Variants in TIMP3 observed in about 807,000 individuals in gnomAD.
TIMP3 encodes metalloproteinase inhibitor 3.
In TIMP3, 11 loss-of-function variants were observed where a neutral mutation model predicts 30.0. The observed-to-expected ratio is 0.37, with a 90% CI of 0.23 to 0.61. The LOEUF is 0.61. TIMP3 is among the 20% of genes least tolerant of loss of function. The pLI is 0.70. For missense variants in TIMP3, 181 were observed against 276.8 expected, an observed-to-expected ratio of 0.65 and a Z score of 2.45; for synonymous variants, 112 against 111.3, an observed-to-expected ratio of 1.01 and a Z score of -0.04.
intron 1 of TIMP3, among the ~76,000 whole-genome samples, chr22:32,815,183 A>G (rs1320882372): frequency 6.6e-6 from 1 of 152,236 alleles, no homozygotes; most frequent in Non-Finnish European, 1.5e-5. Context: ...TGAACTGTGC[A>G]CAGGGATATG....
At chr22:32,809,807 T>C (rs1172331157) in intron 1 of TIMP3, among the ~76,000 whole-genome samples, 5 of 152,234 alleles carry the variant, frequency 3.3e-5, no homozygotes, top group Non-Finnish European at 4.4e-5. Flanking sequence ...GTTGGCTTAC[T>C]GATATGCCTA....
At chr22:32,824,246 C>A (rs1449933537) in intron 1 of TIMP3, among the ~76,000 whole-genome samples, 1 of 146,464 alleles carries the variant, frequency 6.8e-6, no homozygotes. Flanking sequence ...CCACTGCACT[C>A]CAGCCTGGGC....
intron 2 of TIMP3, among the ~76,000 whole-genome samples, chr22:32,856,106 T>A (rs1340116027): frequency 6.6e-6 from 1 of 152,242 alleles, no homozygotes; most frequent in Non-Finnish European, 1.5e-5. Flanking sequence ...CTTTTAAGGA[T>A]ACTGCAAGGA....
intron 1 of TIMP3, among the ~76,000 whole-genome samples, chr22:32,802,849 G>T (rs1015476209): frequency 5.3e-5 from 8 of 152,184 alleles, no homozygotes; most frequent in African/African-American, 1.9e-4. Context: ...CCTTGAATGT[G>T]TGTGGGGAGG....
chr22:32,852,427 T>C (rs1376999329), intron 2 of TIMP3, among the ~76,000 whole-genome samples: 1 of 152,156 alleles, frequency 6.6e-6, no homozygotes, highest in Non-Finnish European at 1.5e-5. Flanking sequence ...GCAAAGGGTG[T>C]ATCAGAAAAA....
In TIMP3 at chr22:32,862,536, G is replaced by A. The variant is rs1011772352; in HGVS notation, c.*3159G>A. On this transcript the variant is annotated 3_prime_UTR_variant, in exon 5 of 5. Coordinates refer to ENST00000266085, the MANE Select transcript of TIMP3 (RefSeq NM_000362.5). Reference sequence around the variant, plus strand: ...GACCTCTGTCTTGCATGTGACAATTGACAATCTGGACTACCCCAAGATGGC... The same window carrying A: ...GACCTCTGTCTTGCATGTGACAATTAACAATCTGGACTACCCCAAGATGGC... 1.4e-4 allele frequency: 22 copies of A among 152,180 alleles called. No homozygotes were observed. The highest frequency in any genetic ancestry group is 5.3e-4 in the African/African-American group (22 of 41,442). The allele number at this position is 152,180 out of a possible 1,614,324, so 9.4% of individuals were successfully genotyped here.
intron 1 of TIMP3, among the ~76,000 whole-genome samples, chr22:32,834,511 T>G (rs2047673981): frequency 6.6e-6 from 1 of 152,104 alleles, no homozygotes; most frequent in Admixed American, 6.5e-5. Flanking sequence ...GAGTAAGAAG[T>G]GTCACATGCA....
chr22:32,808,740 A>G (rs953884117), intron 1 of TIMP3, among the ~76,000 whole-genome samples: 1 of 152,130 alleles, frequency 6.6e-6, no homozygotes, highest in East Asian at 1.9e-4. Flanking sequence ...ACTCCTTGGC[A>G]TTGGTACAGA....
chr22:32,814,748 G>A lies in TIMP3; in HGVS notation c.121+12626G>A, dbSNP rs901740266. ...TTCGAATTCCTTCTGGTATCCCTCT[G>A]AGAAGAGTTTCTTACTGGGTGGCTC... On this transcript the variant is annotated intron_variant, in intron 1 of 4. Coordinates refer to ENST00000266085, the MANE Select transcript of TIMP3 (RefSeq NM_000362.5). Among the ~76,000 whole-genome samples the A allele has an allele frequency of 4.6e-5, 7 of 152,220 alleles. No individual in the cohort carries two copies. The East Asian group carries it at 5.8e-4, about 13-fold the overall frequency.
intron 1 of TIMP3, among the ~76,000 whole-genome samples, chr22:32,818,311 C>A (rs550049954): frequency 3.9e-5 from 6 of 152,108 alleles, no homozygotes; most frequent in Admixed American, 6.5e-5. Context: ...CCAGCCTATG[C>A]GGTCCATCAG....
chr22:32,823,127 G>C (rs955227951), intron 1 of TIMP3, among the ~76,000 whole-genome samples: 1 of 152,178 alleles, frequency 6.6e-6, no homozygotes, highest in African/African-American at 2.4e-5. Flanking sequence ...AAGAACAATG[G>C]TGGGAAAGCA....
At chr22:32,821,137 T>C (rs573122007) in intron 1 of TIMP3, among the ~76,000 whole-genome samples, 1 of 152,076 alleles carries the variant, frequency 6.6e-6, no homozygotes, top group Non-Finnish European at 1.5e-5. Context: ...TCAAAAGAGA[T>C]GAACTTAGAG....
intron 1 of TIMP3, among the ~76,000 whole-genome samples, chr22:32,836,763 A>G (rs925309494): frequency 3.9e-5 from 6 of 152,314 alleles, no homozygotes; most frequent in African/African-American, 1.4e-4. Flanking sequence ...ACAACCTTAC[A>G]GAATGAAGCT....
chr22:32,838,718 C>T (rs1185589306), intron 1 of TIMP3, among the ~76,000 whole-genome samples: 3 of 152,016 alleles, frequency 2.0e-5, no homozygotes, highest in Admixed American at 6.5e-5. Flanking sequence ...ACAAGGACTC[C>T]TGACCCAGCA....
At chr22:32,813,536 CGT>C (rs1231172505) in intron 1 of TIMP3, among the ~76,000 whole-genome samples, 13 of 143,370 alleles carry the variant, frequency 9.1e-5, no homozygotes, top group African/African-American at 2.8e-4. Flanking sequence ...CACACACACA[CGT>C]GGACCAAACA....
intron 1 of TIMP3, among the ~76,000 whole-genome samples, chr22:32,836,991 G>A (rs900950371): frequency 1.3e-5 from 2 of 152,182 alleles, no homozygotes; most frequent in Non-Finnish European, 2.9e-5. Context: ...TGCGGGTCTG[G>A]CGTGCAAAGG....
chr22:32,846,774 GCCAGAGAGATTCAGGAGGAAAGAGCC>G (rs922828444), intron 1 of TIMP3, among the ~76,000 whole-genome samples: 3 of 152,348 alleles, frequency 2.0e-5, no homozygotes, highest in African/African-American at 7.2e-5. Flanking sequence ...GGCTAAGAAA[GCCAGAGAGATTCAGGAGGAAAGAGCC>G]CCAGAGAGAT....
At chr22:32,851,801 C>A (rs183379414) in intron 2 of TIMP3, among the ~76,000 whole-genome samples, 2 of 152,248 alleles carry the variant, frequency 1.3e-5, no homozygotes, top group African/African-American at 4.8e-5. Context: ...TCACTCTGAC[C>A]CTCCATAGAG....
chr22:32,821,513 G>A (rs2047245617), intron 1 of TIMP3, among the ~76,000 whole-genome samples: 1 of 152,194 alleles, frequency 6.6e-6, no homozygotes, highest in Admixed American at 6.5e-5. Context: ...AAAGGTGAAT[G>A]ACCTGGTTAA....
Sources: gnomAD v4.1 joint callset for allele counts (sites outside exome capture counted in the v4.1 genomes callset) on GRCh38, gnomAD v4.1.1 for gene constraint, MANE v1.5 for transcripts, NCBI Gene and HGNC (gene_info 2026-07-23, HGNC 2026-07-21) for gene names.